Variants in EEF1A2 observed in about 807,000 individuals in gnomAD.
The protein encoded by EEF1A2 is elongation factor 1-alpha 2.
A neutral mutation model predicts 39.3 loss-of-function variants in EEF1A2; 5 were observed. The observed-to-expected ratio is 0.13, with a 90% CI of 0.07 to 0.27. The LOEUF is 0.27. Ranked by LOEUF, EEF1A2 falls within the 10% of genes least tolerant of loss-of-function variation. The pLI, the probability that EEF1A2 is intolerant of heterozygous loss-of-function variation, is 1.00. For missense variants in EEF1A2, 218 were observed against 681.4 expected, an observed-to-expected ratio of 0.32 and a Z score of 7.57; for synonymous variants, 287 against 293.7, an observed-to-expected ratio of 0.98 and a Z score of 0.23.
Position 63,496,034 on chromosome 20 carries a change from A to T in EEF1A2, c.146T>A (p.Met49Lys). 6.2e-7 allele frequency: 1 copy of T among 1,612,460 alleles called. No individual in the cohort carries two copies. The highest frequency in any genetic ancestry group is 8.5e-7 in the Non-Finnish European group (1 of 1,179,888). ...GGCATACTTGAAGGATCCCTTCCCC[A>T]TCTGGAGCGGGTGAGGGTCACGGCT... ...IEKFEKEAAE[M>K]GKGSFKYAWV... The change falls in exon 3 of 8, where the codon ATG becomes AAG. Residue 49 changes from methionine (M) to lysine (K), a missense_variant and splice_region_variant. Met to Lys is a moderately conservative substitution (Grantham distance 95). Coordinates refer to ENST00000217182, the MANE Select transcript of EEF1A2 (RefSeq NM_001958.5).
intron 5 of EEF1A2, among the ~76,000 whole-genome samples, chr20:63,491,848 G>T (rs2082381073): frequency 2.0e-5 from 3 of 147,500 alleles, no homozygotes; most frequent in South Asian, 4.4e-4. Context: ...GTGGGTGGAT[G>T]AATGGATGGA....
In EEF1A2 at chr20:63,490,620, G is replaced by A. The variant is rs762804574; in HGVS notation, c.888C>T (p.His296=). Residue 296 remains histidine, a synonymous_variant, in exon 6 of 8, where the codon CAC becomes CAT. Transcript: ENST00000217182. ...TTEVKSVEMH[H]EALSEALPGD... is the part of the protein sequence containing the mutation. ...CGGGCAGAGCTTCGCTCAGAGCCTCGTGGTGCATCTCCACTGACTTCACCT... is the reference window on the plus strand; with the variant it reads ...CGGGCAGAGCTTCGCTCAGAGCCTCATGGTGCATCTCCACTGACTTCACCT... The A allele has an allele frequency of 9.3e-6, 15 of 1,612,650 alleles. No individual in the cohort carries two copies. Among genetic ancestry groups the A allele is most frequent in the East Asian group, 4.5e-5 (2 of 44,890 alleles).
chr20:63,495,242 A>T (rs2082411542), intron 3 of EEF1A2, 141 bp from the exon 4 acceptor site: 2 of 1,272,200 alleles, frequency 1.6e-6, no homozygotes, highest in South Asian at 1.5e-5. Context: ...GGAGGGAGGC[A>T]TGGGGGTCCC....
At chr20:63,488,802 T>C in intron 7 of EEF1A2, 116 bp downstream of exon 7, 3 of 1,155,436 alleles carry the variant, frequency 2.6e-6, no homozygotes, top group Non-Finnish European at 3.6e-6. Flanking sequence ...TGGGCCAAGC[T>C]CCGCAGGAAA....
chr20:63,494,648 G>A (rs1407387439), intron 4 of EEF1A2, among the ~76,000 whole-genome samples, 157 bp downstream of exon 4: 3 of 152,232 alleles, frequency 2.0e-5, no homozygotes, highest in African/African-American at 7.2e-5. Context: ...TCCCCGCCGG[G>A]CCCTGAGCCA....
At position 63,497,424 on chromosome 20, in the gene EEF1A2, C is replaced by T; in HGVS notation, c.144+196G>A. The stretch of plus-strand genomic sequence containing the variant: ...CGGCAGCTCGATGGCCACCCCTCCC[C>T]CACCAAGCTCCCCCTAAGAGAGAGG... On this transcript the variant is annotated intron_variant, in intron 2 of 7. Coordinates refer to ENST00000217182, the MANE Select transcript of EEF1A2 (RefSeq NM_001958.5). The surrounding 1 kb of genome is among the most constrained non-coding windows in gnomAD (Gnocchi z 7.3). 1 of 790,762 alleles carries T rather than the reference C, an allele frequency of 1.3e-6. No homozygotes were observed. The highest frequency in any genetic ancestry group is 1.8e-6 in the Non-Finnish European group (1 of 544,160). The allele number at this position is 790,762 out of a possible 1,614,324, so 49.0% of individuals were successfully genotyped here.
intron 5 of EEF1A2, among the ~76,000 whole-genome samples, chr20:63,492,183 T>TAG (rs1447697813): frequency 5.5e-4 from 2 of 3,660 alleles, no homozygotes; most frequent in Non-Finnish European, 1.5e-3. Context: ...GGTAGGTGGG[T>TAG]GGATAGATGG....
chr20:63,491,967 TGGATGGA>T (rs2082384232), intron 5 of EEF1A2, among the ~76,000 whole-genome samples: 1 of 58,294 alleles, frequency 1.7e-5, no homozygotes, highest in Non-Finnish European at 3.4e-5. Flanking sequence ...GGTGGATGGA[TGGATGGA>T]TGGATGGATG....
At chr20:63,490,340 C>G in intron 6 of EEF1A2, 139 bp downstream of exon 6, 1 of 1,107,300 alleles carries the variant, frequency 9.0e-7, no homozygotes, top group Non-Finnish European at 1.3e-6. Flanking sequence ...GCTGGGATTA[C>G]AGGCGTGAAC....
intron 5 of EEF1A2, among the ~76,000 whole-genome samples, chr20:63,492,072 G>A (rs1379006405): frequency 2.2e-5 from 3 of 134,392 alleles, no homozygotes. Flanking sequence ...GTGGGGAGAT[G>A]GATGGATAGA....
intron 5 of EEF1A2, among the ~76,000 whole-genome samples, chr20:63,491,252 T>C (rs1324539604): frequency 3.9e-5 from 6 of 152,148 alleles, no homozygotes; most frequent in Admixed American, 3.9e-4. Context: ...ACTTGGATGC[T>C]GCAGGTCTCT....
At chr20:63,490,091 G>A (rs931844369) in intron 6 of EEF1A2, 5 of 148,050 alleles carry the variant, frequency 3.4e-5, no homozygotes, top group Admixed American at 6.4e-5. Flanking sequence ...CTTTTGAGAC[G>A]AAGTCTCGCT....
At position 63,490,933 on chromosome 20, in the gene EEF1A2, G is replaced by T. The variant is rs73150419; in HGVS notation, c.773-198C>A. 0.029 allele frequency among the ~76,000 whole-genome samples: 4,389 copies of T among 152,336 alleles called. 86 individuals are homozygous for T. The highest frequency in any genetic ancestry group is 0.046 in the Non-Finnish European group (3,110 of 68,012). Reference sequence around the variant, plus strand: ...CAGACACAGAGATTCCAAGGGAAGTGGGGGCTCTCCCACCCAGCTGGGGAA... The same window carrying T: ...CAGACACAGAGATTCCAAGGGAAGTTGGGGCTCTCCCACCCAGCTGGGGAA... On this transcript the variant is annotated intron_variant, in intron 5 of 7. Transcript: ENST00000217182.
At chr20:63,490,210 G>A (rs2082372113) in intron 6 of EEF1A2, 1 of 369,956 alleles carries the variant, frequency 2.7e-6, no homozygotes, top group Non-Finnish European at 5.1e-6. Flanking sequence ...GGGACTACAG[G>A]CACGTGCCAC....
chr20:63,491,726 G>T (rs2082379795), intron 5 of EEF1A2, among the ~76,000 whole-genome samples: 1 of 147,026 alleles, frequency 6.8e-6, no homozygotes, highest in Non-Finnish European at 1.5e-5. Context: ...AGAAGGATGG[G>T]TGGGGAGATG....
chr20:63,489,177 A>G (rs761574472), intron 6 of EEF1A2, 25 bp from the exon 7 acceptor site: 9 of 1,605,586 alleles, frequency 5.6e-6, no homozygotes, highest in Non-Finnish European at 2.6e-6. Flanking sequence ...ACAGGCGGCC[A>G]TCAGGCACAT....
Position 63,497,793 on chromosome 20 carries a change from C to CTGG in EEF1A2, c.-31_-30insCCA. ...CTGGGAGTGTGAGGGGCTGGCGGGA[C>CTGG]CCGGGGTGCTCTGGCTCAGGGCGAG... is the stretch of plus-strand genomic sequence containing the variant. On this transcript the variant is annotated 5_prime_UTR_variant, in exon 2 of 8. Transcript: ENST00000217182. The surrounding 1 kb of genome is among the most constrained non-coding windows in gnomAD (Gnocchi z 7.3). 6.2e-7 allele frequency: 1 copy of CTGG among 1,602,910 alleles called. No homozygotes were observed. The highest frequency in any genetic ancestry group is 8.5e-7 in the Non-Finnish European group (1 of 1,174,084).
chr20:63,491,278 T>C (rs1312368830), intron 5 of EEF1A2, among the ~76,000 whole-genome samples: 4 of 152,194 alleles, frequency 2.6e-5, no homozygotes, highest in Non-Finnish European at 5.9e-5. Context: ...TAAAGGGGCC[T>C]CTCAGCCAGA....
intron 4 of EEF1A2, 116 bp downstream of exon 4, chr20:63,494,689 A>G (rs2082408416): frequency 7.3e-7 from 1 of 1,369,278 alleles, no homozygotes; most frequent in South Asian, 1.4e-5. Flanking sequence ...TTCGAGGGGA[A>G]CCTGCATTTC....
Sources: allele counts gnomAD v4.1 joint callset (sites outside exome capture counted in the v4.1 genomes callset), GRCh38; gene constraint gnomAD v4.1.1; non-coding constraint Gnocchi (gnomAD v3.1); transcripts MANE v1.5; gene names NCBI Gene and HGNC (gene_info 2026-07-23, HGNC 2026-07-21).